The following UTRN variants were observed in gnomAD, a reference collection of about 807,000 sequenced individuals.
The protein encoded by UTRN is utrophin.
UTRN carries 283 observed loss-of-function variants against 463.9 expected under a neutral mutation model. That is an observed-to-expected ratio of 0.61 (90% CI 0.55 to 0.67). The LOEUF (loss-of-function observed/expected upper bound fraction) is 0.67, where lower values mean the gene tolerates loss of function less well. UTRN is among the 30% of genes least tolerant of loss of function. The probability of loss-of-function intolerance (pLI) is 0.00; values close to 1 mark genes in which losing one functional copy is unlikely to be tolerated. For missense variants in UTRN, 3,922 were observed against 4,084.3 expected (o/e 0.96, Z 1.08); for synonymous variants, 1,442 against 1,431.5 (o/e 1.01, Z -0.17).
intron 54 of UTRN, among the ~76,000 whole-genome samples, chr6:144,744,390 G>GTATAATATATACATAATTTTACTTATT (rs1179853664): frequency 1.4e-4 from 19 of 137,594 alleles, no homozygotes; most frequent in African/African-American, 4.2e-4. Flanking sequence ...TAAAAATTAT[G>GTATAATATATACATAATTTTACTTATT]TATAATATAT....
At chr6:144,586,130 G>A (rs534126866) in intron 51 of UTRN, among the ~76,000 whole-genome samples, 108 of 152,124 alleles carry the variant, frequency 7.1e-4, no homozygotes, top group African/African-American at 2.5e-3. Flanking sequence ...TTTGTCAGAA[G>A]ATAGTGTGTG....
chr6:144,319,830 G>A (rs188333313), intron 2 of UTRN, among the ~76,000 whole-genome samples: 1 of 150,546 alleles, frequency 6.6e-6, no homozygotes, highest in Non-Finnish European at 1.5e-5. Context: ...TTATAGGCAT[G>A]GGTCACCATG....
intron 3 of UTRN, among the ~76,000 whole-genome samples, chr6:144,414,348 G>C (rs957000475): frequency 6.6e-6 from 1 of 151,984 alleles, no homozygotes; most frequent in Non-Finnish European, 1.5e-5. Flanking sequence ...CTTAGTTTTT[G>C]ACAAAAAAGT....
chr6:144,798,432 T>G lies in UTRN; in HGVS notation c.9245+442T>G, dbSNP rs552532614. ...TGTGTTATTTCTGCCAAGTTTGATG[T>G]GAAGTACATTAACCCGACTTCTTCC... On this transcript the variant is annotated intron_variant, in intron 64 of 74. Transcript: ENST00000367545. Among the ~76,000 whole-genome samples, 38 of 152,312 alleles carry G rather than the reference T, an allele frequency of 2.5e-4. 1 individual carries two copies. In the South Asian group the frequency reaches 6.4e-3, roughly 26 times the overall value.
chr6:144,431,893 T>C (rs1785886214), intron 9 of UTRN, among the ~76,000 whole-genome samples: 1 of 152,234 alleles, frequency 6.6e-6, no homozygotes, highest in South Asian at 2.1e-4. Flanking sequence ...TCTTAACTCA[T>C]ATATTCAGTT....
chr6:144,821,873 T>A (rs1199692917), intron 66 of UTRN, among the ~76,000 whole-genome samples: 3 of 152,122 alleles, frequency 2.0e-5, no homozygotes, highest in African/African-American at 4.8e-5. Context: ...GAAAATGAAC[T>A]TTTATTACTA....
chr6:144,585,697 A>G (rs9399481), intron 51 of UTRN, among the ~76,000 whole-genome samples: 12,349 of 152,182 alleles, frequency 0.081, 1,105 homozygotes, highest in East Asian at 0.53. Flanking sequence ...TCAATAGTCC[A>G]TGTGTCATAC....
chr6:144,511,761 T>A (rs1438815634), intron 35 of UTRN, among the ~76,000 whole-genome samples: 1 of 152,222 alleles, frequency 6.6e-6, no homozygotes, highest in Non-Finnish European at 1.5e-5. Flanking sequence ...GCCACTGCTC[T>A]GTAAATTTGC....
intron 64 of UTRN, among the ~76,000 whole-genome samples, chr6:144,799,927 A>G (rs1358543199): frequency 6.6e-6 from 1 of 152,236 alleles, no homozygotes; most frequent in Non-Finnish European, 1.5e-5. Context: ...TTTAATATTA[A>G]GAAGTAATTA....
chr6:144,724,705 T>C (rs1787660028), intron 53 of UTRN, among the ~76,000 whole-genome samples: 1 of 152,186 alleles, frequency 6.6e-6, no homozygotes, highest in Admixed American at 6.5e-5. Flanking sequence ...CTTTCATGTC[T>C]AGCTTCTTTC....
At chr6:144,827,165 G>A (rs934201019) in intron 66 of UTRN, among the ~76,000 whole-genome samples, 183 bp from the exon 67 acceptor site, 2 of 151,980 alleles carry the variant, frequency 1.3e-5, no homozygotes, top group Non-Finnish European at 1.5e-5. Flanking sequence ...TTGAATACAC[G>A]GCGACTTCTC....
intron 58 of UTRN, among the ~76,000 whole-genome samples, chr6:144,758,608 TTA>T: frequency 6.6e-6 from 1 of 152,194 alleles, no homozygotes; most frequent in Non-Finnish European, 1.5e-5. Context: ...TTTCTTCTTC[TTA>T]TATGACATTT....
At chr6:144,840,636 A>G in intron 72 of UTRN, 104 bp from the exon 73 acceptor site, 1 of 1,250,680 alleles carries the variant, frequency 8.0e-7, no homozygotes, top group South Asian at 1.4e-5. Flanking sequence ...TTTCACATTG[A>G]TATTTAGAGG....
chr6:144,675,955 T>C (rs1781547097), intron 51 of UTRN, among the ~76,000 whole-genome samples: 1 of 152,212 alleles, frequency 6.6e-6, no homozygotes, highest in Non-Finnish European at 1.5e-5. Context: ...GATTGCCAAA[T>C]GTTTCCCCAA....
At chr6:144,564,644 A>T (rs1228737412) in intron 50 of UTRN, among the ~76,000 whole-genome samples, 1 of 152,184 alleles carries the variant, frequency 6.6e-6, no homozygotes, top group Admixed American at 6.6e-5. Flanking sequence ...CACCTTCTTC[A>T]CAAGGTGGCA....
At chr6:144,293,988 A>C (rs941302226) in intron 2 of UTRN, among the ~76,000 whole-genome samples, 1 of 152,118 alleles carries the variant, frequency 6.6e-6, no homozygotes, top group Admixed American at 6.6e-5. Context: ...TTTATATGAA[A>C]AATGTTTTTT....
chr6:144,793,490 A>G (rs964305937), intron 62 of UTRN, among the ~76,000 whole-genome samples: 8 of 152,208 alleles, frequency 5.3e-5, no homozygotes, highest in Non-Finnish European at 1.0e-4. Context: ...TCTTATGAAG[A>G]TCATAAAATT....
chr6:144,705,610 A>G, intron 53 of UTRN, among the ~76,000 whole-genome samples: 1 of 152,076 alleles, frequency 6.6e-6, no homozygotes, highest in Non-Finnish European at 1.5e-5. Flanking sequence ...CCTTCCAAAG[A>G]CCCACCTCCC....
intron 2 of UTRN, among the ~76,000 whole-genome samples, chr6:144,323,016 C>G (rs1419197815): frequency 6.6e-6 from 1 of 151,606 alleles, no homozygotes; most frequent in Non-Finnish European, 1.5e-5. Flanking sequence ...TACCTGGGGA[C>G]TCCATCCATG....
Sources: gnomAD v4.1 joint callset for allele counts (sites outside exome capture counted in the v4.1 genomes callset) on GRCh38, gnomAD v4.1.1 for gene constraint, MANE v1.5 for transcripts, NCBI Gene and HGNC (gene_info 2026-07-23, HGNC 2026-07-21) for gene names.